Variants in VPS13D observed in about 807,000 individuals in gnomAD.
VPS13D encodes vacuolar protein sorting 13 homolog D.
In VPS13D, 187 loss-of-function variants were observed where a neutral mutation model predicts 461.9. That is an observed-to-expected ratio of 0.40 (90% confidence interval 0.36 to 0.46). The LOEUF is 0.46. VPS13D is among the 20% of genes least tolerant of loss of function. The pLI is 0.60. For missense variants in VPS13D, 4,711 were observed against 5,364.9 expected (o/e 0.88, Z 3.81); for synonymous variants, 1,951 against 1,986.3 (o/e 0.98, Z 0.47).
chr1:12,473,833 C>T lies in VPS13D; in HGVS notation c.12662+13437C>T, dbSNP rs1019241671. ...GTCCTTCCCATTCTCTTTCTTCACA[C>T]AAAATGAACAGTTGAACTCAGGCCA... is the stretch of plus-strand genomic sequence containing the variant. On this transcript the variant is annotated intron_variant, in intron 67 of 69. Transcript: ENST00000620676. This position sits in a 1 kb window ranked among gnomAD's most constrained non-coding sequence, Gnocchi z 4.2. Among the ~76,000 whole-genome samples the T allele has an allele frequency of 6.6e-6, 1 of 152,116 alleles. No homozygotes were observed. Among genetic ancestry groups the T allele is most frequent in the African/African-American group, 2.4e-5 (1 of 41,418 alleles).
chr1:12,498,455 T>G (rs899159772), intron 68 of VPS13D, among the ~76,000 whole-genome samples: 1 of 152,170 alleles, frequency 6.6e-6, no homozygotes, highest in Non-Finnish European at 1.5e-5. Context: ...TAAGTAGATC[T>G]CATCTCATAG....
chr1:12,258,255 A>T, intron 10 of VPS13D, 152 bp downstream of exon 10: 1 of 1,003,616 alleles, frequency 1.0e-6, no homozygotes, highest in Admixed American at 2.8e-5. Context: ...TAGAGTGAGA[A>T]CTAAGCCAGG....
At chr1:12,262,564 C>T (rs994800622) in intron 13 of VPS13D, among the ~76,000 whole-genome samples, 3 of 152,314 alleles carry the variant, frequency 2.0e-5, no homozygotes, top group African/African-American at 7.2e-5. Flanking sequence ...TAATAGTCTA[C>T]AGTGGACTGT....
At chr1:12,253,691 C>G (rs1409292546) in intron 6 of VPS13D, 31 bp from the exon 7 acceptor site, 1 of 1,495,240 alleles carries the variant, frequency 6.7e-7, no homozygotes, top group African/African-American at 1.4e-5. Context: ...AGACAGTCAT[C>G]CTATTTTCTT....
At chr1:12,383,486 A>G (rs1644310214) in intron 58 of VPS13D, among the ~76,000 whole-genome samples, 1 of 152,252 alleles carries the variant, frequency 6.6e-6, no homozygotes. Flanking sequence ...ATTAACAACA[A>G]GAAGATATGA....
chr1:12,460,389 G>T lies in VPS13D; in HGVS notation c.12655G>T (p.Gly4219Cys), dbSNP rs1269675003. The T allele has an allele frequency of 1.9e-6, 3 of 1,596,332 alleles. No individual in the cohort carries two copies. The highest frequency in any genetic ancestry group is 2.6e-6 in the Non-Finnish European group (3 of 1,170,832). The change falls in exon 67 of 70, where the codon GGC (glycine) becomes TGC (cysteine). Residue 4219 changes from glycine to cysteine, a missense_variant. Around this residue, in one of 3 missense-constraint regions of VPS13D, gnomAD observed 194 missense variants for 220.9 expected, o/e 0.88. Transcript: ENST00000620676. ...GGTGAGAGACACAGCCACACTCAGC[G>T]GCCCCAGGTCAGTGGTGTGGGAAGA... Reference protein sequence around the residue: ...QAVRDTATLSGPRTQAQRVRK... With the variant: ...QAVRDTATLSCPRTQAQRVRK...
chr1:12,268,700 C>T lies in VPS13D; in HGVS notation c.1802-6C>T, dbSNP rs1381246315. 4 of 1,611,206 alleles carry T rather than the reference C, an allele frequency of 2.5e-6. No individual in the cohort carries two copies. Among genetic ancestry groups the T allele is most frequent in the African/African-American group, 2.7e-5 (2 of 74,666 alleles). On this transcript the variant is annotated splice_polypyrimidine_tract_variant and splice_region_variant and intron_variant, in intron 15 of 69. Transcript: ENST00000620676. The stretch of plus-strand genomic sequence containing the variant: ...TCCGTGTTCTTATTCCTGTTCTTTC[C>T]TTTAGCTGCAGATCCAGATGGCCCC...
chr1:12,249,177 C>G, intron 5 of VPS13D, 46 bp from the exon 6 acceptor site: 1 of 1,435,900 alleles, frequency 7.0e-7, no homozygotes, highest in Non-Finnish European at 9.7e-7. Flanking sequence ...CTTTGGAACA[C>G]TATTCTGCAG....
chr1:12,432,220 C>T (rs1038322782), intron 65 of VPS13D, among the ~76,000 whole-genome samples: 2 of 151,760 alleles, frequency 1.3e-5, no homozygotes, highest in African/African-American at 4.8e-5. Context: ...TTGGAGAAAC[C>T]CCATCTCTAC....
intron 65 of VPS13D, among the ~76,000 whole-genome samples, chr1:12,442,793 T>C (rs1293080468): frequency 6.6e-6 from 1 of 152,100 alleles, no homozygotes; most frequent in Non-Finnish European, 1.5e-5. Context: ...CTTGCCATAT[T>C]GTCTAGATTG....
intron 65 of VPS13D, among the ~76,000 whole-genome samples, chr1:12,439,608 G>C (rs1247867441): frequency 6.6e-6 from 1 of 152,142 alleles, no homozygotes; most frequent in Non-Finnish European, 1.5e-5. Context: ...ATTTTGGAGG[G>C]ACACACTCAG....
chr1:12,258,062 T>C lies in VPS13D; in HGVS notation c.1069T>C (p.Phe357Leu), dbSNP rs751389058. 61 of 1,614,088 alleles carry C rather than the reference T, an allele frequency of 3.8e-5. No individual in the cohort carries two copies. Among genetic ancestry groups the C allele is most frequent in the Non-Finnish European group, 5.0e-5 (59 of 1,180,044 alleles). ...TGCTGTATCTTACACTGACAAATAT[T>C]TCAACAAGTTAAAAGGAGGCCTGCT... ...RDAVSYTDKY[F>L]NKLKGGLLST... The change falls in exon 10 of 70, where the codon TTC becomes CTC. Residue 357 changes from phenylalanine (F) to leucine (L), a missense_variant. Phe to Leu is a conservative substitution (Grantham distance 22, BLOSUM62 0). Transcript: ENST00000620676.
chr1:12,288,236 C>G lies in VPS13D; in HGVS notation c.5648C>G (p.Ser1883Cys). 6.2e-7 allele frequency: 1 copy of G among 1,613,734 alleles called. No individual in the cohort carries two copies. Among genetic ancestry groups the G allele is most frequent in the Non-Finnish European group, 8.5e-7 (1 of 1,179,712 alleles). The stretch of plus-strand genomic sequence containing the variant: ...GTCTGTTCCTAGGTTCATTCACTTT[C>G]TCTAGTGCTGAATAAGACCACCAGT... ...TKLDLKVHSL[S>C]LVLNKTTSEL... Residue 1883 changes from serine (S) to cysteine (C), a missense_variant, in exon 22 of 70, where the codon TCT (serine) becomes TGT (cysteine). Coordinates refer to ENST00000620676, the MANE Select transcript of VPS13D (RefSeq NM_015378.4).
chr1:12,338,343 T>A (rs1364361355), intron 40 of VPS13D, 38 bp downstream of exon 40: 1 of 1,597,056 alleles, frequency 6.3e-7, no homozygotes, highest in South Asian at 1.1e-5. Context: ...TTTATTTTCC[T>A]GTTTTAAGAA....
intron 52 of VPS13D, among the ~76,000 whole-genome samples, chr1:12,367,422 G>T (rs535164153): frequency 6.6e-6 from 1 of 152,092 alleles, no homozygotes; most frequent in African/African-American, 2.4e-5. Flanking sequence ...AGTTTCCTTT[G>T]TTCTTTGTAA....
chr1:12,367,444 C>A (rs1326356824), intron 52 of VPS13D, among the ~76,000 whole-genome samples: 9 of 152,110 alleles, frequency 5.9e-5, no homozygotes, highest in Non-Finnish European at 1.3e-4. Context: ...TAAGAATAAT[C>A]CCATTGAGGG....
At chr1:12,412,881 G>A (rs1178549521) in intron 63 of VPS13D, among the ~76,000 whole-genome samples, 2 of 152,122 alleles carry the variant, frequency 1.3e-5, no homozygotes, top group Non-Finnish European at 2.9e-5. Flanking sequence ...AATGGAAGAA[G>A]ATATTTGCAA....
intron 66 of VPS13D, among the ~76,000 whole-genome samples, chr1:12,458,793 C>T (rs922835831): frequency 3.9e-5 from 6 of 152,186 alleles, no homozygotes; most frequent in African/African-American, 7.2e-5. Context: ...GCTCCCTAGA[C>T]GGGCTGCCTC....
intron 39 of VPS13D, chr1:12,336,261 G>A (rs928221262): frequency 7.2e-5 from 12 of 166,772 alleles, no homozygotes; most frequent in Non-Finnish European, 1.2e-4. Flanking sequence ...TGAAAAGAGG[G>A]CGAGCAGGAG....
Sources: gnomAD v4.1 joint callset for allele counts (sites outside exome capture counted in the v4.1 genomes callset) on GRCh38, gnomAD v4.1.1 for gene constraint, gnomAD v4.1.1 regional missense constraint, Gnocchi (gnomAD v3.1) non-coding constraint, MANE v1.5 for transcripts, NCBI Gene and HGNC (gene_info 2026-07-23, HGNC 2026-07-21) for gene names.